NTM: variants seen among roughly 807,000 people sequenced by gnomAD.
The protein encoded by NTM is neurotrimin, also known as IgLON family member 2.
A neutral mutation model predicts 42.1 loss-of-function variants in NTM; 13 were observed. That is an observed-to-expected ratio of 0.31 (90% CI 0.20 to 0.49). The LOEUF (loss-of-function observed/expected upper bound fraction) is 0.49, where lower values mean the gene tolerates loss of function less well. Among genes scored for constraint, NTM ranks in the 20% least tolerant of loss-of-function variants. The pLI is 0.99. For synonymous variants in NTM, 187 were observed against 179.2 expected (o/e 1.04, Z -0.35); for missense variants, 373 against 452.8 (o/e 0.82, Z 1.60).
chr11:131,760,190 GA>G (rs1369061725), intron 1 of NTM, among the ~76,000 whole-genome samples: 1 of 152,200 alleles, frequency 6.6e-6, no homozygotes, highest in Non-Finnish European at 1.5e-5. Flanking sequence ...AGTGTTGATA[GA>G]GGGAGAAGGT....
At chr11:131,704,677 T>G (rs1277475848) in intron 1 of NTM, among the ~76,000 whole-genome samples, 3 of 152,070 alleles carry the variant, frequency 2.0e-5, no homozygotes, top group African/African-American at 7.2e-5. Flanking sequence ...GCATTTAAAA[T>G]AATAATCTTA....
At chr11:131,418,926 A>G (rs1296840603) in intron 1 of NTM, among the ~76,000 whole-genome samples, 3 of 152,088 alleles carry the variant, frequency 2.0e-5, no homozygotes, top group Non-Finnish European at 4.4e-5. Context: ...CACTTCACCT[A>G]TTGTTCTTTC....
intron 4 of NTM, among the ~76,000 whole-genome samples, chr11:132,239,298 G>A (rs2089727907): frequency 6.6e-6 from 1 of 152,188 alleles, no homozygotes; most frequent in South Asian, 2.1e-4. Flanking sequence ...CTATGCCACT[G>A]GTGAGTTTCC....
chr11:131,845,780 C>A (rs1200162145), intron 1 of NTM, among the ~76,000 whole-genome samples: 1 of 151,592 alleles, frequency 6.6e-6, no homozygotes, highest in African/African-American at 2.4e-5. Flanking sequence ...AGAAAAAAGA[C>A]AAAAATATAC....
intron 1 of NTM, among the ~76,000 whole-genome samples, chr11:131,524,012 C>T (rs1266293039): frequency 6.6e-6 from 1 of 152,070 alleles, no homozygotes; most frequent in African/African-American, 2.4e-5. Flanking sequence ...AGCAATAATT[C>T]GGGTAGTGTG....
intron 2 of NTM, among the ~76,000 whole-genome samples, chr11:131,916,386 G>A (rs1592833121): frequency 2.0e-5 from 3 of 152,218 alleles, no homozygotes; most frequent in African/African-American, 7.2e-5. Context: ...GGGATCACTT[G>A]GCAGGTGGGT....
chr11:131,529,673 G>T (rs1000835167), intron 1 of NTM, among the ~76,000 whole-genome samples: 3 of 152,150 alleles, frequency 2.0e-5, no homozygotes, highest in African/African-American at 7.2e-5. Flanking sequence ...ATACAAGAAA[G>T]ATAAACCCTC....
At chr11:132,027,200 C>T (rs1341643971) in intron 2 of NTM, among the ~76,000 whole-genome samples, 1 of 152,180 alleles carries the variant, frequency 6.6e-6, no homozygotes, top group African/African-American at 2.4e-5. Flanking sequence ...TTTTGTGGCC[C>T]CACATGATAT....
intron 1 of NTM, among the ~76,000 whole-genome samples, chr11:131,589,203 A>G (rs1387983655): frequency 7.7e-5 from 9 of 116,768 alleles, no homozygotes; most frequent in African/African-American, 4.4e-4. Context: ...GTGTGTGTGT[A>G]GGCTCTGGTT....
intron 1 of NTM, among the ~76,000 whole-genome samples, chr11:131,412,009 A>T (rs1050461665): frequency 6.6e-6 from 1 of 152,186 alleles, no homozygotes; most frequent in African/African-American, 2.4e-5. Flanking sequence ...ACCCAGACCT[A>T]CGTGGACCCT....
chr11:132,322,526 A>C (rs1195373399), intron 7 of NTM, among the ~76,000 whole-genome samples: 1 of 113,614 alleles, frequency 8.8e-6, no homozygotes, highest in African/African-American at 3.4e-5. Context: ...CAGATTCATA[A>C]AGCAAGTCCT....
intron 1 of NTM, among the ~76,000 whole-genome samples, chr11:131,497,587 G>T (rs773416050): frequency 3.9e-5 from 6 of 152,206 alleles, no homozygotes; most frequent in African/African-American, 7.2e-5. Flanking sequence ...GTGGGCAGGA[G>T]CAGCTTTGAC....
chr11:131,506,356 C>T (rs1011502737), intron 1 of NTM, among the ~76,000 whole-genome samples: 7 of 152,072 alleles, frequency 4.6e-5, no homozygotes, highest in Non-Finnish European at 5.9e-5. Flanking sequence ...TGCTGGTGCC[C>T]GAATATCTTT....
In NTM at chr11:131,718,521, T is replaced by C. The variant is rs189168654; in HGVS notation, c.83-193043T>C. On this transcript the variant is annotated intron_variant, in intron 1 of 8. Transcript: ENST00000683400. Reference sequence around the variant, plus strand: ...ATTGGGTTAATCAAGTTTTCCATTCTGTCTGGTAGGAACAGGCAAGCATCC... The same window carrying C: ...ATTGGGTTAATCAAGTTTTCCATTCCGTCTGGTAGGAACAGGCAAGCATCC... 1.4e-4 allele frequency among the ~76,000 whole-genome samples: 22 copies of C among 152,356 alleles called. 1 individual carries two copies. The East Asian group carries it at 2.7e-3, about 19-fold the overall frequency.
chr11:131,712,784 A>G (rs1182253303), intron 1 of NTM, among the ~76,000 whole-genome samples: 1 of 151,954 alleles, frequency 6.6e-6, no homozygotes, highest in African/African-American at 2.4e-5. Flanking sequence ...GGGTTTTTCC[A>G]TGTTGCCCAG....
intron 1 of NTM, among the ~76,000 whole-genome samples, chr11:131,610,519 T>G (rs1234942364): frequency 6.6e-6 from 1 of 152,144 alleles, no homozygotes; most frequent in Non-Finnish European, 1.5e-5. Context: ...AGACTGTTGT[T>G]CAGAAAGCTC....
intron 1 of NTM, among the ~76,000 whole-genome samples, chr11:131,548,403 T>A (rs1325502722): frequency 6.6e-6 from 1 of 152,192 alleles, no homozygotes; most frequent in Non-Finnish European, 1.5e-5. Flanking sequence ...TTAAAAAGCC[T>A]ATCTCCCTAG....
chr11:132,085,592 C>T (rs2059605240), intron 2 of NTM, among the ~76,000 whole-genome samples: 1 of 152,212 alleles, frequency 6.6e-6, no homozygotes, highest in South Asian at 2.1e-4. Context: ...ATTAAAGTCA[C>T]ATGAACTAAA....
intron 2 of NTM, among the ~76,000 whole-genome samples, chr11:132,107,072 A>G (rs2062471514): frequency 6.6e-6 from 1 of 152,048 alleles, no homozygotes; most frequent in Admixed American, 6.5e-5. Context: ...TTTTTCATTC[A>G]GTGTACATTT....
Sources: allele counts gnomAD v4.1 joint callset (sites outside exome capture counted in the v4.1 genomes callset), GRCh38; gene constraint gnomAD v4.1.1; transcripts MANE v1.5; gene names NCBI Gene and HGNC (gene_info 2026-07-23, HGNC 2026-07-21).